The following PLEKHA5 variants were observed in gnomAD, a reference collection of about 807,000 sequenced individuals.
PLEKHA5 encodes the protein pleckstrin homology domain containing A5.
Under a neutral mutation model 181.9 loss-of-function variants are expected in PLEKHA5, and 55 were observed. The ratio of observed to expected loss-of-function variants is 0.30; its 90% CI spans 0.24 to 0.38. The LOEUF (loss-of-function observed/expected upper bound fraction) is 0.38, where lower values mean the gene tolerates loss of function less well. PLEKHA5 is among the 10% of genes least tolerant of loss of function. The probability of loss-of-function intolerance (pLI) is 1.00; values close to 1 mark genes in which losing one functional copy is unlikely to be tolerated. For missense variants in PLEKHA5, 1,432 were observed against 1,549.5 expected (o/e 0.92, Z 1.27); for synonymous variants, 535 against 529.4 (o/e 1.01, Z -0.15).
intron 3 of PLEKHA5, chr12:19,151,799 T>G (rs2040443891): frequency 6.6e-6 from 1 of 151,392 alleles, no homozygotes; most frequent in Non-Finnish European, 1.5e-5. Flanking sequence ...GCCTGGAACC[T>G]GGACTTAAAA....
intron 3 of PLEKHA5, among the ~76,000 whole-genome samples, chr12:19,167,895 C>T (rs1394891170): frequency 6.6e-6 from 1 of 152,124 alleles, no homozygotes; most frequent in Non-Finnish European, 1.5e-5. Flanking sequence ...ATAGTTCCCT[C>T]AGCCTTCCAT....
At chr12:19,329,246 T>C (rs908918390) in intron 20 of PLEKHA5, among the ~76,000 whole-genome samples, 2 of 152,208 alleles carry the variant, frequency 1.3e-5, no homozygotes, top group Non-Finnish European at 2.9e-5. Flanking sequence ...TGCTTGTATC[T>C]TGTTGAGGAT....
chr12:19,345,765 A>C (rs1338288080), intron 22 of PLEKHA5, 77 bp from the exon 23 acceptor site: 1 of 773,966 alleles, frequency 1.3e-6, no homozygotes, highest in Non-Finnish European at 2.1e-6. Context: ...TCATTTCAAA[A>C]AAACAAAAGA....
At chr12:19,315,365 G>T (rs891831737) in intron 16 of PLEKHA5, among the ~76,000 whole-genome samples, 4 of 152,034 alleles carry the variant, frequency 2.6e-5, no homozygotes, top group African/African-American at 9.7e-5. Context: ...CTGTACTATG[G>T]TATGGTAAAA....
intron 20 of PLEKHA5, among the ~76,000 whole-genome samples, chr12:19,334,830 ATATATATAT>A (rs1300910523): frequency 0.12 from 4,294 of 36,980 alleles, 1,110 homozygotes; most frequent in South Asian, 0.15. Flanking sequence ...AAAAAAAAAA[ATATATATAT>A]ATATATATAT....
intron 3 of PLEKHA5, among the ~76,000 whole-genome samples, chr12:19,212,268 G>A (rs1367015618): frequency 1.3e-5 from 2 of 152,114 alleles, no homozygotes; most frequent in Non-Finnish European, 2.9e-5. Flanking sequence ...CAGCCTGGGA[G>A]ACAGAGCGAG....
intron 3 of PLEKHA5, among the ~76,000 whole-genome samples, chr12:19,231,450 C>T (rs1251447208): frequency 6.6e-6 from 1 of 151,154 alleles, no homozygotes; most frequent in Non-Finnish European, 1.5e-5. Flanking sequence ...CAATTTTTGT[C>T]CATTTTAAGA....
chr12:19,205,483 G>C, intron 3 of PLEKHA5: 1 of 492,948 alleles, frequency 2.0e-6, no homozygotes, highest in Non-Finnish European at 2.6e-6. Flanking sequence ...TGCTCTAATC[G>C]GTCAGTTATT....
rs986215104 is a variant in PLEKHA5, at chr12:19,287,341, A to G, written c.1780-132A>G. ...TTTATGTCAAGAAATGTTAGTCTCT[A>G]TCATCTTTCATAAGCACTAATAGCA... On this transcript the variant is annotated intron_variant, in intron 12 of 31. Coordinates refer to ENST00000429027, the MANE Select transcript of PLEKHA5 (RefSeq NM_001256470.2). 4.0e-5 allele frequency: 28 copies of G among 691,380 alleles called. No homozygotes were observed. In the East Asian group the frequency reaches 6.5e-4, roughly 16 times the overall value. The allele number at this position is 691,380 out of a possible 1,614,324, so 42.8% of individuals were successfully genotyped here. A position where few individuals can be genotyped will look rare whatever the true frequency, so the allele number is the denominator to read the frequency against.
In PLEKHA5 at chr12:19,356,662, CTTTTT is replaced by C. The variant is rs57809332; in HGVS notation, c.3139-1548_3139-1544del. On this transcript the variant is annotated intron_variant, in intron 26 of 31. Coordinates refer to ENST00000429027, the MANE Select transcript of PLEKHA5 (RefSeq NM_001256470.2). ...GGTGGAAGAAGAGGAAGTTGTTTTT[CTTTTT>C]TTTTTTTTTTTTTTTTTGAGACAGA... 5.0e-5 allele frequency among the ~76,000 whole-genome samples: 5 copies of C among 99,840 alleles called. No individual in the cohort carries two copies. The Admixed American group carries it at 5.7e-4, about 11-fold the overall frequency. The allele number at this position is 99,840 out of a possible 152,430, so 65.5% of individuals were successfully genotyped here.
intron 3 of PLEKHA5, among the ~76,000 whole-genome samples, chr12:19,147,625 A>G (rs1431055882): frequency 1.3e-5 from 2 of 149,850 alleles, no homozygotes; most frequent in Non-Finnish European, 3.0e-5. Context: ...AAATGAATGA[A>G]TTTAACTGCA....
intron 3 of PLEKHA5, among the ~76,000 whole-genome samples, chr12:19,145,560 A>G (rs956283681): frequency 3.3e-5 from 5 of 152,126 alleles, no homozygotes; most frequent in African/African-American, 1.2e-4. Context: ...TTTAATAAAT[A>G]TCTTAGGTCT....
chr12:19,194,947 C>CT lies in PLEKHA5; in HGVS notation c.228-58990dup, dbSNP rs556549692. ...ATCAAATTATAGGTAAAGCTGTTTT[C>CT]TTTAGCATTTTAATTTCAAAACATA... On this transcript the variant is annotated intron_variant, in intron 3 of 31. Coordinates refer to ENST00000429027, the MANE Select transcript of PLEKHA5 (RefSeq NM_001256470.2). Among the ~76,000 whole-genome samples, 40 of 152,290 alleles carry CT rather than the reference C, an allele frequency of 2.6e-4. 1 individual carries two copies. Among genetic ancestry groups the CT allele is most frequent in the African/African-American group, 9.4e-4 (39 of 41,560 alleles).
At chr12:19,297,915 T>C (rs375684618) in intron 15 of PLEKHA5, among the ~76,000 whole-genome samples, 212 of 151,642 alleles carry the variant, frequency 1.4e-3, no homozygotes, top group Middle Eastern at 3.4e-3. Context: ...GGTAAGAAAA[T>C]CTTTTTTGGG....
rs139162264 is a variant in PLEKHA5, at chr12:19,170,208, A to G, written c.227+37758A>G. Among the ~76,000 whole-genome samples, 27 of 152,320 alleles carry G rather than the reference A, an allele frequency of 1.8e-4. No homozygotes were observed. The East Asian group carries it at 2.5e-3, about 14-fold the overall frequency. Reference sequence around the variant, plus strand: ...CTATTTTCATTCGTTGATAAAATCAAAATGTCTGGCCTTTGCTGAATGACT... The same window carrying G: ...CTATTTTCATTCGTTGATAAAATCAGAATGTCTGGCCTTTGCTGAATGACT... On this transcript the variant is annotated intron_variant, in intron 3 of 31. Coordinates refer to ENST00000429027, the MANE Select transcript of PLEKHA5 (RefSeq NM_001256470.2).
chr12:19,287,677 G>T, intron 13 of PLEKHA5, 121 bp downstream of exon 13: 1 of 644,858 alleles, frequency 1.6e-6, no homozygotes, highest in East Asian at 2.7e-5. Context: ...AAACATTACT[G>T]CTTTTGTGCA....
chr12:19,272,077 G>A (rs1057444561), intron 10 of PLEKHA5, among the ~76,000 whole-genome samples: 2 of 152,002 alleles, frequency 1.3e-5, no homozygotes, highest in Non-Finnish European at 2.9e-5. Flanking sequence ...TTTAACTTGA[G>A]AGTTCATTCT....
At chr12:19,313,594 G>A (rs1251435213) in intron 15 of PLEKHA5, among the ~76,000 whole-genome samples, 1 of 151,934 alleles carries the variant, frequency 6.6e-6, no homozygotes, top group Admixed American at 6.6e-5. Flanking sequence ...TTATTCTTCA[G>A]TGAAGTTTTT....
intron 16 of PLEKHA5, among the ~76,000 whole-genome samples, chr12:19,315,173 G>A (rs931585328): frequency 2.6e-5 from 4 of 152,086 alleles, no homozygotes; most frequent in Admixed American, 6.6e-5. Context: ...GAGGTCTGCA[G>A]TACATTTGCA....
Sources: allele counts gnomAD v4.1 joint callset (sites outside exome capture counted in the v4.1 genomes callset), GRCh38; gene constraint gnomAD v4.1.1; transcripts MANE v1.5; gene names NCBI Gene and HGNC (gene_info 2026-07-23, HGNC 2026-07-21).